The following RBFOX1 variants were observed in gnomAD, a reference collection of about 807,000 sequenced individuals.
The protein encoded by RBFOX1 is RNA binding fox-1 homolog 1, also known as RNA binding protein fox-1 homolog 1.
A neutral mutation model predicts 57.7 loss-of-function variants in RBFOX1; 8 were observed. The observed-to-expected ratio is 0.14, with a 90% CI of 0.08 to 0.25. The LOEUF is 0.25. Among genes scored for constraint, RBFOX1 ranks in the 10% least tolerant of loss-of-function variants. RBFOX1 has a pLI of 1.00. For synonymous variants in RBFOX1, 326 were observed against 222.4 expected (o/e 1.47, Z -4.15); for missense variants, 611 against 548.5 (o/e 1.11, Z -1.14).
At chr16:6,647,774 C>T (rs1018958039) in intron 2 of RBFOX1, among the ~76,000 whole-genome samples, 4 of 152,010 alleles carry the variant, frequency 2.6e-5, no homozygotes, top group African/African-American at 9.7e-5. Flanking sequence ...CTTGCTCTGT[C>T]ACTAGGTTGG....
At chr16:5,672,599 G>C (rs1160627395) in intron 3 of RBFOX1, among the ~76,000 whole-genome samples, 1 of 136,482 alleles carries the variant, frequency 7.3e-6, no homozygotes, top group Non-Finnish European at 1.6e-5. Context: ...AACCCACAAA[G>C]AGTTAAGTCG....
chr16:6,328,756 A>T (rs2082664288), intron 2 of RBFOX1, among the ~76,000 whole-genome samples: 1 of 152,134 alleles, frequency 6.6e-6, no homozygotes, highest in Admixed American at 6.6e-5. Flanking sequence ...GGAGGAGGGG[A>T]TGCCTGTTAG....
At chr16:6,333,104 A>G (rs1192611557) in intron 2 of RBFOX1, among the ~76,000 whole-genome samples, 1 of 151,964 alleles carries the variant, frequency 6.6e-6, no homozygotes, top group Non-Finnish European at 1.5e-5. Flanking sequence ...CGGTGGCATG[A>G]TGTCCCCTCA....
chr16:5,762,604 A>C (rs1011625282), intron 3 of RBFOX1, among the ~76,000 whole-genome samples: 18 of 152,238 alleles, frequency 1.2e-4, no homozygotes, highest in African/African-American at 3.9e-4. Context: ...ACTTAGCCGC[A>C]GAAGGCACTC....
chr16:7,101,509 G>T (rs1201918608), intron 4 of RBFOX1, among the ~76,000 whole-genome samples: 2 of 152,080 alleles, frequency 1.3e-5, no homozygotes, highest in Admixed American at 6.6e-5. Context: ...GAGACCGGCT[G>T]TACCAAAGTG....
intron 1 of RBFOX1, among the ~76,000 whole-genome samples, chr16:5,436,648 G>A (rs2067926233): frequency 6.6e-6 from 1 of 152,078 alleles, no homozygotes; most frequent in African/African-American, 2.4e-5. Flanking sequence ...GACCAGTCTG[G>A]CCAACATGGT....
intron 3 of RBFOX1, among the ~76,000 whole-genome samples, chr16:5,831,545 A>G (rs376458090): frequency 1.3e-5 from 2 of 150,872 alleles, no homozygotes; most frequent in African/African-American, 4.9e-5. Context: ...GCCAGAGTGC[A>G]GTGGCACAAT....
intron 4 of RBFOX1, among the ~76,000 whole-genome samples, chr16:7,348,314 C>G (rs867532938): frequency 6.6e-6 from 1 of 152,144 alleles, no homozygotes. Context: ...TTCTTATCTA[C>G]TCTCATCGTA....
chr16:6,172,536 T>C (rs944934999), intron 1 of RBFOX1, among the ~76,000 whole-genome samples: 2 of 152,140 alleles, frequency 1.3e-5, no homozygotes, highest in Non-Finnish European at 2.9e-5. Flanking sequence ...CAGTAGAAAG[T>C]CCTCTGTAAG....
chr16:7,366,931 T>A (rs1462564272), intron 4 of RBFOX1, among the ~76,000 whole-genome samples: 1 of 152,192 alleles, frequency 6.6e-6, no homozygotes, highest in Non-Finnish European at 1.5e-5. Flanking sequence ...TTTGAGCATG[T>A]TTACTCTTTT....
At chr16:5,855,933 G>A (rs1222404485) in intron 3 of RBFOX1, among the ~76,000 whole-genome samples, 4 of 136,128 alleles carry the variant, frequency 2.9e-5, no homozygotes, top group South Asian at 2.3e-4. Context: ...TAATGTACAC[G>A]TCTTTCAACT....
At chr16:6,765,144 C>A (rs1172459186) in intron 3 of RBFOX1, among the ~76,000 whole-genome samples, 1 of 152,188 alleles carries the variant, frequency 6.6e-6, no homozygotes, top group East Asian at 1.9e-4. Flanking sequence ...GACAGGGAAT[C>A]TGTGAACAGT....
intron 3 of RBFOX1, among the ~76,000 whole-genome samples, chr16:5,706,616 T>C (rs1008598683): frequency 8.5e-5 from 13 of 152,246 alleles, no homozygotes; most frequent in Non-Finnish European, 1.6e-4. Flanking sequence ...AATCTTGCAT[T>C]GTTTTAATTT....
chr16:7,699,274 CTGGACCTCCTGGGATCT>C (rs2079848485), intron 14 of RBFOX1, among the ~76,000 whole-genome samples: 1 of 82,704 alleles, frequency 1.2e-5, no homozygotes, highest in African/African-American at 4.0e-5. Flanking sequence ...TCCTGTAATC[CTGGACCTCCTGGGATCT>C]AGCGATCCTC....
At chr16:5,448,698 C>T (rs1240089151) in intron 1 of RBFOX1, among the ~76,000 whole-genome samples, 1 of 152,184 alleles carries the variant, frequency 6.6e-6, no homozygotes, top group Non-Finnish European at 1.5e-5. Context: ...ATGTGAGATA[C>T]ACCCACCCCT....
rs539988476 is a variant in RBFOX1, at chr16:7,673,131, C to T, written c.931-3643C>T. On this transcript the variant is annotated intron_variant, in intron 13 of 15. Transcript: ENST00000550418. Reference sequence around the variant, plus strand: ...TAACACGTACATGTTACAGTCCTACCGACGCCCACGTCTCCCTAGCACACA... The same window carrying T: ...TAACACGTACATGTTACAGTCCTACTGACGCCCACGTCTCCCTAGCACACA... Among the ~76,000 whole-genome samples, 12 of 152,108 alleles carry T rather than the reference C, an allele frequency of 7.9e-5. No individual in the cohort carries two copies. In the South Asian group the frequency reaches 1.7e-3, roughly 21 times the overall value.
chr16:6,732,523 C>T (rs1005261646), intron 3 of RBFOX1, among the ~76,000 whole-genome samples: 2 of 152,182 alleles, frequency 1.3e-5, no homozygotes, highest in Non-Finnish European at 2.9e-5. Context: ...ATCTAGAAAA[C>T]ATTTAGTGTA....
At chr16:6,929,541 G>A (rs999784798) in intron 3 of RBFOX1, among the ~76,000 whole-genome samples, 2 of 152,108 alleles carry the variant, frequency 1.3e-5, no homozygotes, top group Admixed American at 1.3e-4. Context: ...TAAAAATCCA[G>A]TTATGACTGT....
intron 4 of RBFOX1, among the ~76,000 whole-genome samples, chr16:5,890,997 T>C (rs938458762): frequency 6.6e-6 from 1 of 152,222 alleles, no homozygotes; most frequent in Non-Finnish European, 1.5e-5. Flanking sequence ...ACTGAGATTA[T>C]AGCTCATCTG....
Sources: gnomAD v4.1 joint callset for allele counts (sites outside exome capture counted in the v4.1 genomes callset) on GRCh38, gnomAD v4.1.1 for gene constraint, MANE v1.5 for transcripts, NCBI Gene and HGNC (gene_info 2026-07-23, HGNC 2026-07-21) for gene names.